The following USH2A variants were observed in gnomAD, a reference collection of about 807,000 sequenced individuals.
USH2A encodes Usher syndrome 2A (autosomal recessive, mild).
Under a neutral mutation model 538.9 loss-of-function variants are expected in USH2A, and 443 were observed. The ratio of observed to expected loss-of-function variants is 0.82; its 90% CI spans 0.76 to 0.89. USH2A has a LOEUF of 0.89. Among genes scored for constraint, USH2A ranks in the 40% least tolerant of loss-of-function variants. The probability of loss-of-function intolerance (pLI) is 0.00; values close to 1 mark genes in which losing one functional copy is unlikely to be tolerated. For synonymous variants in USH2A, 2,413 were observed against 2,273.5 expected (o/e 1.06, Z -1.75); for missense variants, 6,633 against 6,324.8 (o/e 1.05, Z -1.65).
chr1:215,912,353 C>A (rs1414426866), intron 38 of USH2A, among the ~76,000 whole-genome samples: 1 of 151,176 alleles, frequency 6.6e-6, no homozygotes, highest in Non-Finnish European at 1.5e-5. Flanking sequence ...AAGTTTTCAA[C>A]CAATTTTGAT....
At chr1:216,006,269 G>A (rs1034150448) in intron 32 of USH2A, among the ~76,000 whole-genome samples, 48 of 152,030 alleles carry the variant, frequency 3.2e-4, no homozygotes, top group Non-Finnish European at 4.0e-4. Flanking sequence ...CCACAAACTG[G>A]TTACTTCCCA....
At chr1:216,233,244 C>T (rs893676034) in intron 13 of USH2A, among the ~76,000 whole-genome samples, 5 of 152,072 alleles carry the variant, frequency 3.3e-5, no homozygotes, top group Non-Finnish European at 7.4e-5. Context: ...CATATTTGTT[C>T]CTCTTCTTGA....
chr1:216,233,214 C>T (rs1558333523), intron 13 of USH2A, among the ~76,000 whole-genome samples: 1 of 152,076 alleles, frequency 6.6e-6, no homozygotes, highest in African/African-American at 2.4e-5. Context: ...GGCTCATCCC[C>T]CCGCTCAGTC....
At chr1:216,361,510 A>G (rs921659909) in intron 4 of USH2A, among the ~76,000 whole-genome samples, 1 of 152,178 alleles carries the variant, frequency 6.6e-6, no homozygotes. Context: ...GTATTTGTCA[A>G]AGAACTCATA....
chr1:216,099,149 T>A (rs1244803672), intron 21 of USH2A, among the ~76,000 whole-genome samples: 1 of 152,244 alleles, frequency 6.6e-6, no homozygotes, highest in Non-Finnish European at 1.5e-5. Context: ...TCTTGACTTC[T>A]GCATCTCCAT....
At chr1:216,108,443 T>C (rs1447130928) in intron 21 of USH2A, among the ~76,000 whole-genome samples, 1 of 151,824 alleles carries the variant, frequency 6.6e-6, no homozygotes. Flanking sequence ...ATACAATATG[T>C]GGCTATATTA....
intron 49 of USH2A, among the ~76,000 whole-genome samples, chr1:215,805,133 G>A (rs1038640679): frequency 5.3e-5 from 8 of 151,958 alleles, no homozygotes; most frequent in African/African-American, 1.9e-4. Flanking sequence ...GGGGCCTGTT[G>A]TGGGGTGGGG....
At chr1:216,080,372 GA>G (rs1282863233) in intron 26 of USH2A, among the ~76,000 whole-genome samples, 1 of 151,616 alleles carries the variant, frequency 6.6e-6, no homozygotes, top group Non-Finnish European at 1.5e-5. Flanking sequence ...GGAAGAATAA[GA>G]AAAAAACAGA....
intron 61 of USH2A, among the ~76,000 whole-genome samples, chr1:215,723,316 C>A (rs1368347822): frequency 6.6e-6 from 1 of 152,142 alleles, no homozygotes; most frequent in African/African-American, 2.4e-5. Flanking sequence ...TGCTGCTGTT[C>A]CTGCCAACAC....
chr1:215,746,700 C>T (rs565979389), intron 58 of USH2A, among the ~76,000 whole-genome samples: 56 of 152,232 alleles, frequency 3.7e-4, no homozygotes, highest in African/African-American at 1.1e-3. Flanking sequence ...AGTTTGGTGA[C>T]GTTTTTGTGA....
intron 35 of USH2A, among the ~76,000 whole-genome samples, chr1:215,981,324 G>C (rs1329449495): frequency 2.0e-5 from 3 of 152,048 alleles, no homozygotes; most frequent in Non-Finnish European, 2.9e-5. Context: ...ATGGTTACAT[G>C]TGTTCTAAAT....
At chr1:216,111,369 C>T (rs1035043711) in intron 21 of USH2A, among the ~76,000 whole-genome samples, 3 of 152,154 alleles carry the variant, frequency 2.0e-5, no homozygotes, top group Non-Finnish European at 4.4e-5. Flanking sequence ...CTGCTGCTAT[C>T]GCTAAGTTCT....
intron 64 of USH2A, among the ~76,000 whole-genome samples, chr1:215,661,397 A>G (rs1328963238): frequency 6.6e-6 from 1 of 152,112 alleles, no homozygotes; most frequent in East Asian, 1.9e-4. Context: ...TTTCCTCTCA[A>G]TGACCCACTT....
At chr1:215,792,084 C>T (rs1661998462) in intron 50 of USH2A, among the ~76,000 whole-genome samples, 1 of 152,010 alleles carries the variant, frequency 6.6e-6, no homozygotes, top group African/African-American at 2.4e-5. Flanking sequence ...TGAAAACTGG[C>T]CCTTTAGGGA....
chr1:216,059,015 G>A (rs141347268), intron 30 of USH2A, among the ~76,000 whole-genome samples: 8 of 152,220 alleles, frequency 5.3e-5, no homozygotes, highest in Admixed American at 1.3e-4. Flanking sequence ...CAACTATGGA[G>A]TAAGAACTTT....
chr1:216,370,681 A>AAAAAAAAAAAC (rs2038695410), intron 3 of USH2A, among the ~76,000 whole-genome samples: 1 of 142,148 alleles, frequency 7.0e-6, no homozygotes. Context: ...CTGTCTCAAA[A>AAAAAAAAAAAC]AAAAAAAAAA....
chr1:215,874,245 G>T (rs1664699090), intron 43 of USH2A, among the ~76,000 whole-genome samples: 1 of 152,106 alleles, frequency 6.6e-6, no homozygotes, highest in South Asian at 2.1e-4. Flanking sequence ...ACCATAACTT[G>T]CTCACTTTGC....
intron 56 of USH2A, among the ~76,000 whole-genome samples, chr1:215,765,908 T>C (rs994889295): frequency 3.9e-5 from 6 of 152,160 alleles, no homozygotes; most frequent in Non-Finnish European, 5.9e-5. Flanking sequence ...TCCCAACATT[T>C]TGCTATTAAA....
chr1:215,710,557 C>T (rs527992406), intron 61 of USH2A, among the ~76,000 whole-genome samples: 1 of 152,058 alleles, frequency 6.6e-6, no homozygotes, highest in Non-Finnish European at 1.5e-5. Context: ...CAGTAGAGGG[C>T]GCTCTCCTCA....
Sources: gnomAD v4.1 joint callset for allele counts (sites outside exome capture counted in the v4.1 genomes callset) on GRCh38, gnomAD v4.1.1 for gene constraint, MANE v1.5 for transcripts, NCBI Gene and HGNC (gene_info 2026-07-23, HGNC 2026-07-21) for gene names.